The following AFF1 variants were observed in gnomAD, a reference collection of about 807,000 sequenced individuals.
AFF1 encodes ALF transcription elongation factor 1.
AFF1 carries 48 observed loss-of-function variants against 121.7 expected under a neutral mutation model. That is an observed-to-expected ratio of 0.39 (90% confidence interval 0.31 to 0.50). The LOEUF is 0.50. Among genes scored for constraint, AFF1 ranks in the 20% least tolerant of loss-of-function variants. The pLI is 0.76. For missense variants in AFF1, 1,523 were observed against 1,511.7 expected (o/e 1.01, Z -0.12); for synonymous variants, 613 against 563.0 (o/e 1.09, Z -1.26).
chr4:87,008,317 A>G (rs1191991594), intron 2 of AFF1, among the ~76,000 whole-genome samples: 1 of 152,228 alleles, frequency 6.6e-6, no homozygotes, highest in Non-Finnish European at 1.5e-5. Context: ...AAGACTTAAC[A>G]CGTCTGAAGA....
In AFF1 at chr4:87,036,193, A is replaced by G. The variant is rs888843871; in HGVS notation, c.39-9973A>G. Among the ~76,000 whole-genome samples the G allele has an allele frequency of 4.6e-5, 7 of 152,310 alleles. No individual in the cohort carries two copies. The South Asian group carries it at 1.0e-3, about 23-fold the overall frequency. ...AGGTGACAGACTTTATCTCAGGTTA[A>G]AAAAATTGGTTTATCTCTGTTGCCA... On this transcript the variant is annotated intron_variant, in intron 2 of 20. Transcript: ENST00000395146.
At chr4:87,072,085 T>C (rs1722120381) in intron 4 of AFF1, among the ~76,000 whole-genome samples, 1 of 152,138 alleles carries the variant, frequency 6.6e-6, no homozygotes, top group Non-Finnish European at 1.5e-5. Flanking sequence ...AATTCAGGGC[T>C]GGGCGTGGTG....
At chr4:86,973,329 A>G (rs1237332458) in intron 2 of AFF1, among the ~76,000 whole-genome samples, 1 of 152,140 alleles carries the variant, frequency 6.6e-6, no homozygotes, top group Non-Finnish European at 1.5e-5. Flanking sequence ...AGCCTTTTGT[A>G]TAAGGGGGCA....
chr4:86,942,619 G>A (rs759772328), intron 1 of AFF1, among the ~76,000 whole-genome samples: 19 of 152,194 alleles, frequency 1.2e-4, no homozygotes, highest in East Asian at 1.9e-4. Context: ...TTTGTATCTT[G>A]ATTTACCTGC....
At chr4:87,134,387 C>T in intron 19 of AFF1, 84 bp from the exon 20 acceptor site, 6 of 1,280,476 alleles carry the variant, frequency 4.7e-6, no homozygotes, top group Middle Eastern at 5.7e-4. Flanking sequence ...GTGTCTTGGA[C>T]TGTAGTTCCA....
At chr4:86,982,736 T>C (rs1578892262) in intron 2 of AFF1, among the ~76,000 whole-genome samples, 2 of 149,904 alleles carry the variant, frequency 1.3e-5, no homozygotes, top group Non-Finnish European at 3.0e-5. Context: ...TAATCCCAGC[T>C]CCTCTGGAGG....
chr4:86,938,989 A>G (rs767022029), intron 1 of AFF1, among the ~76,000 whole-genome samples: 1 of 152,230 alleles, frequency 6.6e-6, no homozygotes, highest in African/African-American at 2.4e-5. Context: ...ATTGTGACAA[A>G]TAGTGCCTGA....
intron 5 of AFF1, among the ~76,000 whole-genome samples, chr4:87,085,783 C>T (rs988234869): frequency 2.3e-4 from 35 of 149,302 alleles, no homozygotes; most frequent in Admixed American, 6.0e-4. Context: ...GAGTCTCTCT[C>T]TGTCGCTCAG....
chr4:86,999,928 G>C (rs1054141645), intron 2 of AFF1, among the ~76,000 whole-genome samples: 6 of 152,158 alleles, frequency 3.9e-5, no homozygotes, highest in Non-Finnish European at 8.8e-5. Flanking sequence ...AGAGAAAATA[G>C]ATGATGAGCC....
At chr4:87,047,768 G>C in intron 4 of AFF1, 174 bp downstream of exon 4, 1 of 874,210 alleles carries the variant, frequency 1.1e-6, no homozygotes, top group Non-Finnish European at 1.9e-6. Flanking sequence ...ATCTGAGATG[G>C]ACGACTGATT....
intron 2 of AFF1, among the ~76,000 whole-genome samples, chr4:87,030,204 T>C (rs953180646): frequency 3.3e-5 from 5 of 152,194 alleles, no homozygotes; most frequent in Non-Finnish European, 5.9e-5. Flanking sequence ...ACAAACCTTT[T>C]CTGTGAAGGA....
intron 2 of AFF1, among the ~76,000 whole-genome samples, chr4:86,973,269 G>GGA (rs1400581393): frequency 6.6e-6 from 1 of 151,678 alleles, no homozygotes; most frequent in Non-Finnish European, 1.5e-5. Flanking sequence ...AGCTGGAGGT[G>GGA]GAGAGACCAG....
chr4:87,128,252 G>A (rs1471210656), intron 16 of AFF1, among the ~76,000 whole-genome samples: 1 of 152,148 alleles, frequency 6.6e-6, no homozygotes, highest in African/African-American at 2.4e-5. Context: ...TAAGATGAAG[G>A]TAATGATTAT....
intron 2 of AFF1, chr4:86,950,046 G>A: frequency 1.9e-6 from 3 of 1,614,078 alleles, no homozygotes; most frequent in Admixed American, 1.7e-5. Context: ...GGAGTGTAGA[G>A]AGGGTGATTG....
intron 4 of AFF1, among the ~76,000 whole-genome samples, chr4:87,060,835 C>CAAAAAAAAAAAAAAAAAAA (rs749186199): frequency 3.5e-4 from 22 of 62,246 alleles, no homozygotes; most frequent in South Asian, 1.1e-3. Context: ...GACTCTGTCT[C>CAAAAAAAAAAAAAAAAAAA]AAAAAAAAAA....
intron 2 of AFF1, among the ~76,000 whole-genome samples, chr4:87,024,832 G>A (rs1026131336): frequency 6.6e-6 from 1 of 152,168 alleles, no homozygotes; most frequent in Non-Finnish European, 1.5e-5. Flanking sequence ...GGACTCAAGT[G>A]ATCCACCCGC....
intron 19 of AFF1, among the ~76,000 whole-genome samples, chr4:87,133,072 TTCTC>T (rs753641765): frequency 2.0e-5 from 3 of 152,308 alleles, no homozygotes; most frequent in African/African-American, 4.8e-5. Context: ...CCAGAGTCCT[TTCTC>T]TCTCTGTATG....
intron 2 of AFF1, among the ~76,000 whole-genome samples, chr4:86,981,687 A>G (rs1178689227): frequency 6.6e-6 from 1 of 152,290 alleles, no homozygotes; most frequent in East Asian, 1.9e-4. Context: ...TATGTTTTAA[A>G]TAGCTCCAGC....
intron 2 of AFF1, among the ~76,000 whole-genome samples, chr4:87,036,514 G>T (rs955596981): frequency 1.3e-5 from 2 of 152,034 alleles, no homozygotes; most frequent in Non-Finnish European, 2.9e-5. Flanking sequence ...GGCTTGGTGT[G>T]CTGCACATGG....
Sources: allele counts gnomAD v4.1 joint callset (sites outside exome capture counted in the v4.1 genomes callset), GRCh38; gene constraint gnomAD v4.1.1; transcripts MANE v1.5; gene names NCBI Gene and HGNC (gene_info 2026-07-23, HGNC 2026-07-21).